CSMD3: variants seen among roughly 807,000 people sequenced by gnomAD.
CSMD3 encodes CUB and Sushi multiple domains 3.
CSMD3 carries 177 observed loss-of-function variants against 435.2 expected under a neutral mutation model. The ratio of observed to expected loss-of-function variants is 0.41; its 90% CI spans 0.36 to 0.46. The LOEUF (loss-of-function observed/expected upper bound fraction) is 0.46, where lower values mean the gene tolerates loss of function less well. Ranked by LOEUF, CSMD3 falls within the 20% of genes least tolerant of loss-of-function variation. CSMD3 has a pLI of 0.34. For missense variants in CSMD3, 4,265 were observed against 4,504.6 expected, an observed-to-expected ratio of 0.95 and a Z score of 1.52; for synonymous variants, 1,656 against 1,520.5, an observed-to-expected ratio of 1.09 and a Z score of -2.07.
intron 38 of CSMD3, among the ~76,000 whole-genome samples, chr8:112,378,210 G>A (rs116228508): frequency 6.0e-4 from 90 of 151,056 alleles, no homozygotes; most frequent in African/African-American, 2.1e-3. Context: ...CGTTGTTGGC[G>A]AGAATGAAAA....
chr8:112,336,001 C>T (rs1393302763), intron 44 of CSMD3, among the ~76,000 whole-genome samples: 1 of 152,104 alleles, frequency 6.6e-6, no homozygotes, highest in Non-Finnish European at 1.5e-5. Context: ...CACCTTTGAC[C>T]TCCCAGGCTC....
intron 2 of CSMD3, chr8:113,309,319 G>C (rs566575237): frequency 1.3e-5 from 2 of 152,226 alleles, no homozygotes; most frequent in East Asian, 3.9e-4. Context: ...CCTAGGACGT[G>C]AATGATCCTA....
chr8:112,768,144 T>C (rs1041789276), intron 13 of CSMD3, among the ~76,000 whole-genome samples: 3 of 151,406 alleles, frequency 2.0e-5, no homozygotes, highest in Admixed American at 6.6e-5. Context: ...CAAAGCCACA[T>C]AAATATGCAT....
intron 3 of CSMD3, among the ~76,000 whole-genome samples, chr8:113,218,027 G>T (rs2092925393): frequency 6.6e-6 from 1 of 150,738 alleles, no homozygotes; most frequent in Non-Finnish European, 1.5e-5. Flanking sequence ...AGCACTGAAG[G>T]TATATATATG....
chr8:112,344,916 A>G (rs1243117156), intron 41 of CSMD3, among the ~76,000 whole-genome samples: 1 of 152,174 alleles, frequency 6.6e-6, no homozygotes, highest in Non-Finnish European at 1.5e-5. Flanking sequence ...GATGAATTCA[A>G]TAGATTACTA....
At chr8:112,874,113 TG>T (rs2081212038) in intron 10 of CSMD3, among the ~76,000 whole-genome samples, 1 of 152,174 alleles carries the variant, frequency 6.6e-6, no homozygotes, top group Admixed American at 6.5e-5. Context: ...GTTGTGTCTT[TG>T]TTTTCATTGG....
At chr8:113,195,726 T>C (rs1338265794) in intron 3 of CSMD3, among the ~76,000 whole-genome samples, 1 of 147,936 alleles carries the variant, frequency 6.8e-6, no homozygotes, top group Non-Finnish European at 1.5e-5. Flanking sequence ...TTCATATCTA[T>C]AACTATATCT....
intron 20 of CSMD3, among the ~76,000 whole-genome samples, chr8:112,642,795 A>T (rs2074869644): frequency 6.6e-6 from 1 of 152,182 alleles, no homozygotes; most frequent in African/African-American, 2.4e-5. Context: ...CAGTAATCTA[A>T]AAAGATGATT....
chr8:113,271,440 T>A (rs959414348), intron 3 of CSMD3, among the ~76,000 whole-genome samples: 2 of 152,128 alleles, frequency 1.3e-5, no homozygotes, highest in Non-Finnish European at 2.9e-5. Context: ...TCCCAGCTGC[T>A]CCACCTGTTG....
intron 22 of CSMD3, among the ~76,000 whole-genome samples, chr8:112,608,013 T>C (rs1298707762): frequency 6.6e-6 from 1 of 152,104 alleles, no homozygotes; most frequent in Non-Finnish European, 1.5e-5. Flanking sequence ...AGAAGGCAAT[T>C]GTCTCTGTTT....
chr8:112,630,942 T>TCTCA lies in CSMD3; in HGVS notation c.3715+5874_3715+5875insTGAG, dbSNP rs1554636258. Among the ~76,000 whole-genome samples, 7 of 140,498 alleles carry TCTCA rather than the reference T, an allele frequency of 5.0e-5. No homozygotes were observed. The East Asian group carries it at 1.5e-3, about 30-fold the overall frequency. 92.2% of individuals were successfully genotyped at this position (140,498 alleles called of 152,430 possible). A position where few individuals can be genotyped will look rare whatever the true frequency, so the allele number is the denominator to read the frequency against. On this transcript the variant is annotated intron_variant, in intron 22 of 70. Transcript: ENST00000297405. ...TGTTACCAACAAACTACATCAGTAT[T>TCTCA]CACACACACACACACACACACACAC... is the stretch of plus-strand genomic sequence containing the variant.
intron 61 of CSMD3, among the ~76,000 whole-genome samples, chr8:112,263,006 T>C (rs1269853834): frequency 6.6e-6 from 1 of 152,128 alleles, no homozygotes; most frequent in African/African-American, 2.4e-5. Context: ...ACTCTCTGAA[T>C]GACTATACTG....
chr8:112,375,620 TA>T (rs1298581774), intron 38 of CSMD3, among the ~76,000 whole-genome samples: 1 of 152,108 alleles, frequency 6.6e-6, no homozygotes, highest in African/African-American at 2.4e-5. Flanking sequence ...AAGAACAGTT[TA>T]AAAAATATTA....
chr8:113,266,901 C>T (rs1337615173), intron 3 of CSMD3, among the ~76,000 whole-genome samples: 1 of 151,444 alleles, frequency 6.6e-6, no homozygotes, highest in Non-Finnish European at 1.5e-5. Flanking sequence ...AACAACACAA[C>T]AGGAGAAACA....
At chr8:112,928,700 G>A (rs905529107) in intron 9 of CSMD3, among the ~76,000 whole-genome samples, 7 of 149,244 alleles carry the variant, frequency 4.7e-5, no homozygotes, top group African/African-American at 1.5e-4. Flanking sequence ...TTGGACATTT[G>A]GGTTGGTTCC....
At chr8:112,460,708 TA>T (rs919052731) in intron 32 of CSMD3, among the ~76,000 whole-genome samples, 2 of 152,162 alleles carry the variant, frequency 1.3e-5, no homozygotes, top group African/African-American at 4.8e-5. Flanking sequence ...AAAATATTGC[TA>T]AAATAAGCAG....
Position 112,255,424 on chromosome 8 carries a change from T to A in CSMD3, c.9866A>T (p.Lys3289Met), listed in dbSNP as rs1263826850. The A allele has an allele frequency of 6.2e-7, 1 of 1,613,488 alleles. No homozygotes were observed. The highest frequency in any genetic ancestry group is 8.5e-7 in the Non-Finnish European group (1 of 1,179,720). ...AGGTATACCAGGGTCACCACAAAACTTTGCTGGAAATGAAAAGAAAGACGC... is the reference window on the plus strand; with the variant it reads ...AGGTATACCAGGGTCACCACAAAACATTGCTGGAAATGAAAAGAAAGACGC... ...WSGEVPQCLP[K>M]FCGDPGIPAQ... Residue 3289 changes from lysine to methionine, a missense_variant, in exon 62 of 71, where the codon AAG becomes ATG. This residue lies in a region of CSMD3 where 3,255 missense variants were observed against 3,380.2 expected (regional missense o/e 0.96). Transcript: ENST00000297405.
intron 4 of CSMD3, among the ~76,000 whole-genome samples, chr8:113,146,053 G>C (rs2091665600): frequency 6.6e-6 from 1 of 151,386 alleles, no homozygotes; most frequent in Admixed American, 6.6e-5. Flanking sequence ...CTCAGTTAAA[G>C]AACCTGAAAC....
intron 35 of CSMD3, among the ~76,000 whole-genome samples, chr8:112,405,673 T>C (rs938422821): frequency 4.6e-5 from 7 of 151,962 alleles, no homozygotes; most frequent in Non-Finnish European, 1.0e-4. Context: ...CCACCAATAT[T>C]TGTGAAAGAC....
Sources: allele counts gnomAD v4.1 joint callset (sites outside exome capture counted in the v4.1 genomes callset), GRCh38; gene constraint gnomAD v4.1.1; regional missense constraint gnomAD v4.1.1; transcripts MANE v1.5; gene names NCBI Gene and HGNC (gene_info 2026-07-23, HGNC 2026-07-21).